PCDHA3: variants seen among roughly 807,000 people sequenced by gnomAD.
The protein encoded by PCDHA3 is protocadherin alpha 3, also known as protocadherin alpha-3.
Under a neutral mutation model 62.2 loss-of-function variants are expected in PCDHA3, and 41 were observed. That is an observed-to-expected ratio of 0.66 (90% CI 0.51 to 0.86). The LOEUF is 0.86. Ranked by LOEUF, PCDHA3 falls within the 40% of genes least tolerant of loss-of-function variation. The probability of loss-of-function intolerance (pLI) is 0.00; values close to 1 mark genes in which losing one functional copy is unlikely to be tolerated. For synonymous variants in PCDHA3, 640 were observed against 555.4 expected (o/e 1.15, Z -2.14); for missense variants, 1,304 against 1,241.2 (o/e 1.05, Z -0.76).
intron 1 of PCDHA3, among the ~76,000 whole-genome samples, chr5:140,895,670 G>C (rs551602030): frequency 3.9e-5 from 6 of 152,250 alleles, no homozygotes; most frequent in Non-Finnish European, 8.8e-5. Context: ...AGAACATGTA[G>C]TATTTGGTTT....
intron 1 of PCDHA3, chr5:140,878,201 T>C (rs1157119125): frequency 6.1e-6 from 1 of 164,102 alleles, no homozygotes; most frequent in African/African-American, 2.4e-5. Context: ...GTTGCAAGAA[T>C]GGTACAAAGA....
chr5:140,876,792 A>G (rs782210017), intron 1 of PCDHA3: 98 of 1,613,998 alleles, frequency 6.1e-5, no homozygotes, highest in Non-Finnish European at 7.5e-5. Flanking sequence ...CCACGGCTAG[A>G]GTGTCCGTGG....
At chr5:140,836,276 C>T (rs2150256592) in intron 1 of PCDHA3, 3 of 1,613,790 alleles carry the variant, frequency 1.9e-6, no homozygotes, top group East Asian at 2.2e-5. Flanking sequence ...CTGGTGAGAT[C>T]AGCACGACAC....
intron 1 of PCDHA3, chr5:140,857,521 CTCTCT>C: frequency 6.3e-7 from 1 of 1,598,106 alleles, no homozygotes; most frequent in Non-Finnish European, 8.6e-7. Flanking sequence ...TGGTGTCCTA[CTCTCT>C]GGTGGAGCGG....
chr5:140,987,207 C>A (rs1475441121), intron 3 of PCDHA3, among the ~76,000 whole-genome samples: 1 of 148,672 alleles, frequency 6.7e-6, no homozygotes, highest in African/African-American at 2.5e-5. Context: ...GAGTGAGACT[C>A]CATCTCAAAA....
intron 1 of PCDHA3, chr5:140,822,714 C>G: frequency 6.2e-7 from 1 of 1,610,946 alleles, no homozygotes; most frequent in Non-Finnish European, 8.5e-7. Context: ...AAGACTATAA[C>G]TCATATGAAA....
At chr5:140,939,841 T>C (rs1269688667) in intron 1 of PCDHA3, among the ~76,000 whole-genome samples, 5 of 152,344 alleles carry the variant, frequency 3.3e-5, no homozygotes, top group Middle Eastern at 3.4e-3. Context: ...TGCTTGTTGT[T>C]GTGTTCTGTA....
intron 1 of PCDHA3, chr5:140,884,661 A>C: frequency 6.3e-7 from 1 of 1,590,384 alleles, no homozygotes; most frequent in African/African-American, 1.3e-5. Context: ...TGCTTGAAAG[A>C]GGTAAGCTTA....
intron 1 of PCDHA3, chr5:140,928,025 G>T: frequency 6.2e-7 from 1 of 1,614,148 alleles, no homozygotes; most frequent in South Asian, 1.1e-5. Flanking sequence ...GTCATTTGTG[G>T]CATGTCTAGT....
At chr5:140,992,514 G>A (rs1256283066) in intron 3 of PCDHA3, among the ~76,000 whole-genome samples, 1 of 152,176 alleles carries the variant, frequency 6.6e-6, no homozygotes, top group Non-Finnish European at 1.5e-5. Flanking sequence ...CTGGGGCATG[G>A]TAGCTAATGG....
chr5:140,877,389 G>A (rs1554169667), intron 1 of PCDHA3: 3 of 1,613,994 alleles, frequency 1.9e-6, no homozygotes, highest in South Asian at 1.1e-5. Flanking sequence ...TCCTGGATGA[G>A]GCGGACGCTC....
Position 140,884,200 on chromosome 5 carries a change from C to T in PCDHA3, c.2394+80609C>T, listed in dbSNP as rs2060048327. 2.5e-6 allele frequency: 4 copies of T among 1,613,458 alleles called. No individual in the cohort carries two copies. The Admixed American group carries it at 5.0e-5, about 20-fold the overall frequency. Reference sequence around the variant, plus strand: ...CTCTGGACGAGGTGGACGCGCCGCACCACCGCCTTCTGGTGCTGGTGAAGG... The same window carrying T: ...CTCTGGACGAGGTGGACGCGCCGCATCACCGCCTTCTGGTGCTGGTGAAGG... On this transcript the variant is annotated intron_variant, in intron 1 of 3. Transcript: ENST00000522353.
rs548394870 is a variant in PCDHA3 at position 140,927,042 on chromosome 5, G to A, written c.2395-51907G>A. ...ACTTGAGGCTGCCAGCGGCCGCTATGTCCTCGCGGAACTTTCGCTTCCTTT... is the reference window on the plus strand; with the variant it reads ...ACTTGAGGCTGCCAGCGGCCGCTATATCCTCGCGGAACTTTCGCTTCCTTT... On this transcript the variant is annotated intron_variant, in intron 1 of 3. Transcript: ENST00000522353. The A allele has an allele frequency of 1.4e-4, 226 of 1,612,386 alleles. 8 individuals are homozygous for A. The South Asian group carries it at 2.4e-3, about 17-fold the overall frequency.
At chr5:140,995,571 T>A (rs2097689586) in intron 3 of PCDHA3, among the ~76,000 whole-genome samples, 1 of 152,252 alleles carries the variant, frequency 6.6e-6, no homozygotes, top group Admixed American at 6.5e-5. Flanking sequence ...TATGTCAAGA[T>A]GAGCTATGAG....
chr5:140,916,068 C>G (rs928159450), intron 1 of PCDHA3, among the ~76,000 whole-genome samples: 1 of 152,166 alleles, frequency 6.6e-6, no homozygotes, highest in African/African-American at 2.4e-5. Context: ...TCCCTGTGGC[C>G]AGTACTACCA....
chr5:140,944,273 G>A (rs1208171689), intron 1 of PCDHA3, among the ~76,000 whole-genome samples: 2 of 152,098 alleles, frequency 1.3e-5, no homozygotes, highest in African/African-American at 4.8e-5. Flanking sequence ...CTGCAGCCTT[G>A]ACACCCCGGG....
chr5:140,966,166 C>T (rs1159533172), intron 1 of PCDHA3: 1 of 179,138 alleles, frequency 5.6e-6, no homozygotes, highest in Non-Finnish European at 1.2e-5. Flanking sequence ...GAGATCTTTT[C>T]CTGGGGAGCT....
At position 140,842,965 on chromosome 5, in the gene PCDHA3, C is replaced by A. The variant is rs2150348785; in HGVS notation, c.2394+39374C>A. 5 of 1,594,984 alleles carry A rather than the reference C, an allele frequency of 3.1e-6. 1 individual carries two copies. Among genetic ancestry groups the A allele is most frequent in the East Asian group, 4.5e-5 (2 of 44,816 alleles). On this transcript the variant is annotated intron_variant, in intron 1 of 3. Transcript: ENST00000522353. Reference sequence around the variant, plus strand: ...CGGGCGTGCCGCCTCTGGGCAGCAACGTGACGCTGCAGGTGTTCGTGCTGG... The same window carrying A: ...CGGGCGTGCCGCCTCTGGGCAGCAAAGTGACGCTGCAGGTGTTCGTGCTGG...
chr5:140,949,260 T>C (rs1292112980), intron 1 of PCDHA3, among the ~76,000 whole-genome samples: 1 of 151,804 alleles, frequency 6.6e-6, no homozygotes, highest in Non-Finnish European at 1.5e-5. Flanking sequence ...GATGAACATA[T>C]CACGTGCACT....
Sources: allele counts gnomAD v4.1 joint callset (sites outside exome capture counted in the v4.1 genomes callset), GRCh38; gene constraint gnomAD v4.1.1; transcripts MANE v1.5; gene names NCBI Gene and HGNC (gene_info 2026-07-23, HGNC 2026-07-21).